Variants in WDR33 observed in about 807,000 individuals in gnomAD.
The protein encoded by WDR33 is pre-mRNA 3' end processing protein WDR33.
A neutral mutation model predicts 164.9 loss-of-function variants in WDR33; 47 were observed. That is an observed-to-expected ratio of 0.29 (90% CI 0.23 to 0.36). The LOEUF is 0.36. Ranked by LOEUF, WDR33 falls within the 10% of genes least tolerant of loss-of-function variation. WDR33 has a pLI of 1.00. For missense variants in WDR33, 1,137 were observed against 1,754.1 expected (o/e 0.65, Z 6.28); for synonymous variants, 505 against 589.0 (o/e 0.86, Z 2.06).
chr2:127,709,470 C>A lies in WDR33; in HGVS notation c.3565+20G>T. On this transcript the variant is annotated intron_variant, in intron 20 of 21. Transcript: ENST00000322313. The surrounding 1 kb of genome is among the most constrained non-coding windows in gnomAD (Gnocchi z 5.0). ...TGAACTGCAGTCTAGAGTTACCCAA[C>A]AAGCGGTTCTTTTCCTTACCAGGCT... 3 of 1,612,206 alleles carry A rather than the reference C, an allele frequency of 1.9e-6. 1 individual carries two copies. The highest frequency in any genetic ancestry group is 2.2e-5 in the South Asian group (2 of 91,054).
In WDR33 at chr2:127,764,613, C is replaced by T. The variant is rs1687767900; in HGVS notation, c.626+215G>A. 1 of 1,553,492 alleles carries T rather than the reference C, an allele frequency of 6.4e-7. No homozygotes were observed. Among genetic ancestry groups the T allele is most frequent in the Non-Finnish European group, 8.7e-7 (1 of 1,147,654 alleles). ...AATGCGGCAGACAGTACATCTCTAA[C>T]ATATTGCAAAGGCTGATACCGGGAC... is the stretch of plus-strand genomic sequence containing the variant. On this transcript the variant is annotated intron_variant, in intron 6 of 21. Coordinates refer to ENST00000322313, the MANE Select transcript of WDR33 (RefSeq NM_018383.5). The surrounding 1 kb of genome is among the most constrained non-coding windows in gnomAD (Gnocchi z 6.2).
At chr2:127,806,201 T>C (rs1329984845) in intron 1 of WDR33, among the ~76,000 whole-genome samples, 5 of 148,408 alleles carry the variant, frequency 3.4e-5, no homozygotes, top group Non-Finnish European at 7.4e-5. Context: ...TTTAGTTGTT[T>C]TTCTTTTTCT....
chr2:127,788,721 G>A (rs1191503713), intron 1 of WDR33, among the ~76,000 whole-genome samples: 85 of 145,700 alleles, frequency 5.8e-4, no homozygotes, highest in Admixed American at 1.1e-3. Context: ...CCTCCCTCCC[G>A]GATGGCACGG....
At chr2:127,786,401 G>T (rs573709814) in intron 1 of WDR33, among the ~76,000 whole-genome samples, 1 of 152,154 alleles carries the variant, frequency 6.6e-6, no homozygotes, top group Non-Finnish European at 1.5e-5. Flanking sequence ...ACAATATTTT[G>T]GCAGGACACG....
chr2:127,736,511 G>A, intron 7 of WDR33: 2 of 985,328 alleles, frequency 2.0e-6, no homozygotes, highest in Non-Finnish European at 2.4e-6. Context: ...TGGATAAAAA[G>A]GTAGATGCAC....
intron 1 of WDR33, among the ~76,000 whole-genome samples, chr2:127,784,490 C>T (rs1688492346): frequency 6.6e-6 from 1 of 152,192 alleles, no homozygotes; most frequent in Non-Finnish European, 1.5e-5. Flanking sequence ...CTCAGGTCAT[C>T]TTCCACCTCA....
In WDR33 at chr2:127,705,293, T is replaced by A; in HGVS notation, c.*1030A>T. On this transcript the variant is annotated 3_prime_UTR_variant, in exon 22 of 22. Transcript: ENST00000322313. This position sits in a 1 kb window ranked among gnomAD's most constrained non-coding sequence, Gnocchi z 4.5. ...TTTTGGCTTCCAATCCAAACTGGGC[T>A]AAATGGTATGTTTATTTTAAACAAG... is the stretch of plus-strand genomic sequence containing the variant. 6.0e-6 allele frequency: 1 copy of A among 166,016 alleles called. No homozygotes were observed. 10.3% of individuals were successfully genotyped at this position (166,016 alleles called of 1,614,324 possible). A position where few individuals can be genotyped will look rare whatever the true frequency, so the allele number is the denominator to read the frequency against.
intron 7 of WDR33, among the ~76,000 whole-genome samples, chr2:127,739,829 A>G (rs1472005122): frequency 1.3e-5 from 2 of 152,222 alleles, no homozygotes; most frequent in African/African-American, 4.8e-5. Context: ...GAAAGCAGAA[A>G]ATGGCTCGAT....
rs1248446252 is a variant in WDR33, at chr2:127,738,983, A to T, written c.725-12206T>A. The stretch of plus-strand genomic sequence containing the variant: ...TGTAAACATGAAATAAAAGACACAC[A>T]AGAACCTTAAAAATTTTTGCCCACA... On this transcript the variant is annotated intron_variant, in intron 7 of 21. Transcript: ENST00000322313. The surrounding 1 kb of genome is among the most constrained non-coding windows in gnomAD (Gnocchi z 4.4). Among the ~76,000 whole-genome samples, 1 of 152,226 alleles carries T rather than the reference A, an allele frequency of 6.6e-6. No individual in the cohort carries two copies. Among genetic ancestry groups the T allele is most frequent in the Non-Finnish European group, 1.5e-5 (1 of 68,038 alleles).
At chr2:127,776,080 G>GT (rs1688175436) in intron 1 of WDR33, among the ~76,000 whole-genome samples, 1 of 152,162 alleles carries the variant, frequency 6.6e-6, no homozygotes, top group South Asian at 2.1e-4. Context: ...ATTCACAAAT[G>GT]TAAGTCCTAA....
Position 127,735,889 on chromosome 2 carries a change from T to C in WDR33, c.725-9112A>G, listed in dbSNP as rs1686826780. 1.0e-6 allele frequency: 1 copy of C among 985,490 alleles called. No homozygotes were observed. The highest frequency in any genetic ancestry group is 1.2e-6 in the Non-Finnish European group (1 of 829,948). The allele number at this position is 985,490 out of a possible 1,614,324, so 61.0% of individuals were successfully genotyped here. ...GAGTGATTACTATTAGTCATCTTTGTTGTCCAGTCTAGAAAGTTACATCAG... is the reference window on the plus strand; with the variant it reads ...GAGTGATTACTATTAGTCATCTTTGCTGTCCAGTCTAGAAAGTTACATCAG... On this transcript the variant is annotated intron_variant, in intron 7 of 21. Transcript: ENST00000322313. The surrounding 1 kb of genome is among the most constrained non-coding windows in gnomAD (Gnocchi z 4.3).
chr2:127,701,482 C>G lies in WDR33; in HGVS notation c.*4841G>C. 1 of 1,259,216 alleles carries G rather than the reference C, an allele frequency of 7.9e-7. No individual in the cohort carries two copies. Among genetic ancestry groups the G allele is most frequent in the Non-Finnish European group, 1.0e-6 (1 of 999,202 alleles). The allele number at this position is 1,259,216 out of a possible 1,614,324, so 78.0% of individuals were successfully genotyped here. On this transcript the variant is annotated 3_prime_UTR_variant, in exon 22 of 22. Transcript: ENST00000322313. ...AAGACCGAACCGCTTCAGCGGAGGG[C>G]CGGAAGTGAGCCGCAGCTTTTCCTT...
In WDR33 at chr2:127,724,399, A is replaced by G; in HGVS notation, c.1130T>C (p.Met377Thr). The G allele has an allele frequency of 6.2e-7, 1 of 1,614,184 alleles. No individual in the cohort carries two copies. Among genetic ancestry groups the G allele is most frequent in the Non-Finnish European group, 8.5e-7 (1 of 1,180,026 alleles). ...AGGATGCCAAGCCAGACTCCAGATC[A>G]TCCCTTCGTGAGCCATCTCCATCCC... ...VGGMEMAHEG[M>T]IWSLAWHPLG... The change falls in exon 11 of 22, where the codon ATG (methionine) becomes ACG (threonine). Residue 377 changes from methionine to threonine, a missense_variant. Around this residue, in one of 9 missense-constraint regions of WDR33, gnomAD observed 21 missense variants for 102.2 expected, o/e 0.21. Transcript: ENST00000322313. This position sits in a 1 kb window ranked among gnomAD's most constrained non-coding sequence, Gnocchi z 4.8.
chr2:127,701,733 C>G lies in WDR33; in HGVS notation c.*4590G>C. Reference sequence around the variant, plus strand: ...GGCAGCGGCCGGCCTGACGTGCCTCCCGAGCGTGACGCGCGGGCAGCGGCT... The same window carrying G: ...GGCAGCGGCCGGCCTGACGTGCCTCGCGAGCGTGACGCGCGGGCAGCGGCT... On this transcript the variant is annotated 3_prime_UTR_variant, in exon 22 of 22. Coordinates refer to ENST00000322313, the MANE Select transcript of WDR33 (RefSeq NM_018383.5). 1 of 1,402,356 alleles carries G rather than the reference C, an allele frequency of 7.1e-7. No homozygotes were observed. Among genetic ancestry groups the G allele is most frequent in the Non-Finnish European group, 9.3e-7 (1 of 1,077,810 alleles). 86.9% of individuals were successfully genotyped at this position (1,402,356 alleles called of 1,614,324 possible). A position where few individuals can be genotyped will look rare whatever the true frequency, so the allele number is the denominator to read the frequency against.
intron 7 of WDR33, among the ~76,000 whole-genome samples, chr2:127,731,140 C>G (rs1686695035): frequency 6.6e-6 from 1 of 151,392 alleles, no homozygotes; most frequent in African/African-American, 2.4e-5. Flanking sequence ...ACAAAAAATA[C>G]AAAAATTAGC....
Position 127,720,319 on chromosome 2 carries a change from A to G in WDR33, c.1706T>C (p.Val569Ala), listed in dbSNP as rs1225872049. The change falls in exon 16 of 22, where the codon GTT (valine) becomes GCT (alanine). Residue 569 changes from valine (V) to alanine (A), a missense_variant. Physicochemically the swap from Val to Ala is moderately conservative, Grantham distance 64. Around this residue, in one of 9 missense-constraint regions of WDR33, gnomAD observed 867 missense variants for 1,073.0 expected, o/e 0.81. Coordinates refer to ENST00000322313, the MANE Select transcript of WDR33 (RefSeq NM_018383.5). The surrounding 1 kb of genome is among the most constrained non-coding windows in gnomAD (Gnocchi z 5.9). ...TGAGGGAGGAGGCTGAATTTGCTCA[A>G]CTTGTTTCTGTGCAAGTCTTTCAAT... ...LKIERLAQKQ[V>A]EQIQPPPSSG... The G allele has an allele frequency of 6.6e-7, 1 of 1,511,986 alleles. No homozygotes were observed. The highest frequency in any genetic ancestry group is 1.4e-5 in the African/African-American group (1 of 71,650). 93.7% of individuals were successfully genotyped at this position (1,511,986 alleles called of 1,614,324 possible).
rs1400875337 is a variant in WDR33 at position 127,722,368 on chromosome 2, T to C, written c.1518+223A>G. Among the ~76,000 whole-genome samples the C allele has an allele frequency of 6.6e-6, 1 of 152,162 alleles. No homozygotes were observed. The highest frequency in any genetic ancestry group is 6.6e-5 in the Admixed American group (1 of 15,266). The stretch of plus-strand genomic sequence containing the variant: ...TGCCTCTTTCTTCTATTTCCTCTCA[T>C]AGCATGGATGATAATAAGCAGGTGA... On this transcript the variant is annotated intron_variant, in intron 14 of 21. Coordinates refer to ENST00000322313, the MANE Select transcript of WDR33 (RefSeq NM_018383.5). The surrounding 1 kb of genome is among the most constrained non-coding windows in gnomAD (Gnocchi z 5.1).
At chr2:127,757,381 G>A (rs968349948) in intron 7 of WDR33, among the ~76,000 whole-genome samples, 4 of 152,216 alleles carry the variant, frequency 2.6e-5, no homozygotes, top group Admixed American at 2.0e-4. Context: ...ATGTGCTTTA[G>A]ATGTTAAATA....
chr2:127,750,983 A>G (rs114389360), intron 7 of WDR33, among the ~76,000 whole-genome samples: 2,139 of 151,882 alleles, frequency 0.014, 63 homozygotes, highest in African/African-American at 0.05. Context: ...TTTAATAAAC[A>G]TTTCCACCCA....
Sources: gnomAD v4.1 joint callset for allele counts (sites outside exome capture counted in the v4.1 genomes callset) on GRCh38, gnomAD v4.1.1 for gene constraint, gnomAD v4.1.1 regional missense constraint, Gnocchi (gnomAD v3.1) non-coding constraint, MANE v1.5 for transcripts, NCBI Gene and HGNC (gene_info 2026-07-23, HGNC 2026-07-21) for gene names.